The following UST variants were observed in gnomAD, a reference collection of about 807,000 sequenced individuals.
UST encodes uronyl 2-sulfotransferase.
Under a neutral mutation model 45.6 loss-of-function variants are expected in UST, and 21 were observed. The observed-to-expected ratio is 0.46, with a 90% CI of 0.33 to 0.66. The LOEUF is 0.66. Ranked by LOEUF, UST falls within the 30% of genes least tolerant of loss-of-function variation. The pLI is 0.02. For missense variants in UST, 463 were observed against 512.4 expected (o/e 0.90, Z 0.93); for synonymous variants, 215 against 200.6 (o/e 1.07, Z -0.61).
At chr6:148,862,950 T>G (rs1778349159) in intron 1 of UST, among the ~76,000 whole-genome samples, 1 of 152,204 alleles carries the variant, frequency 6.6e-6, no homozygotes, top group Non-Finnish European at 1.5e-5. Flanking sequence ...CATTTCAACT[T>G]TGGTGAATCT....
intron 5 of UST, among the ~76,000 whole-genome samples, chr6:149,008,130 A>C (rs954512804): frequency 2.6e-5 from 4 of 152,198 alleles, no homozygotes; most frequent in Non-Finnish European, 4.4e-5. Context: ...AATTTGCTAT[A>C]ACCTTGAGGG....
chr6:149,052,835 C>T (rs573452716), intron 7 of UST, among the ~76,000 whole-genome samples: 9 of 152,202 alleles, frequency 5.9e-5, no homozygotes, highest in Admixed American at 2.0e-4. Flanking sequence ...TTACTAAAAT[C>T]GCTTTAATAA....
intron 1 of UST, among the ~76,000 whole-genome samples, chr6:148,881,581 G>C (rs1477223133): frequency 6.6e-6 from 1 of 152,180 alleles, no homozygotes; most frequent in African/African-American, 2.4e-5. Flanking sequence ...GAGCGTGCTT[G>C]TCCTCTGTCC....
At chr6:148,766,350 C>G (rs556582377) in intron 1 of UST, among the ~76,000 whole-genome samples, 1 of 149,530 alleles carries the variant, frequency 6.7e-6, no homozygotes, top group Non-Finnish European at 1.5e-5. Flanking sequence ...ACCCACTCAC[C>G]CACTTGCTCT....
intron 7 of UST, among the ~76,000 whole-genome samples, chr6:149,063,928 C>T (rs546264309): frequency 1.3e-3 from 194 of 152,210 alleles, no homozygotes; most frequent in African/African-American, 4.5e-3. Context: ...TGGATAGTGC[C>T]TCAGAGGCCT....
chr6:148,982,288 G>A (rs2449383), intron 5 of UST, among the ~76,000 whole-genome samples: 104,447 of 151,856 alleles, frequency 0.69, 36,734 homozygotes, highest in South Asian at 0.83. Context: ...TAGTAGAGTC[G>A]GGGTTGCTCC....
intron 1 of UST, among the ~76,000 whole-genome samples, chr6:148,868,161 CATG>C (rs71663502): frequency 0.066 from 10,039 of 152,198 alleles, 566 homozygotes; most frequent in African/African-American, 0.15. Flanking sequence ...CCTTTTGCAC[CATG>C]ATAATGACTT....
chr6:148,917,940 T>G (rs987781843), intron 2 of UST, among the ~76,000 whole-genome samples: 1 of 152,192 alleles, frequency 6.6e-6, no homozygotes, highest in Non-Finnish European at 1.5e-5. Flanking sequence ...TTCTTAAAAC[T>G]CTGTCGCTCT....
intron 2 of UST, among the ~76,000 whole-genome samples, chr6:148,909,816 C>A (rs565155645): frequency 6.6e-6 from 1 of 152,162 alleles, no homozygotes; most frequent in African/African-American, 2.4e-5. Context: ...TCCCCCCCGC[C>A]ACAGCAAAAA....
intron 7 of UST, among the ~76,000 whole-genome samples, chr6:149,062,147 T>G (rs2115042253): frequency 6.6e-6 from 1 of 152,328 alleles, no homozygotes; most frequent in Middle Eastern, 3.4e-3. Context: ...GGCTAAGTAT[T>G]TGCAAGCGTT....
chr6:148,989,805 A>G (rs1781312739), intron 5 of UST, among the ~76,000 whole-genome samples: 1 of 152,210 alleles, frequency 6.6e-6, no homozygotes, highest in Non-Finnish European at 1.5e-5. Flanking sequence ...ACTTCCTCAA[A>G]TAAAGGAGTC....
At chr6:148,901,646 CTCCCGGGT>C (rs1562294530) in intron 2 of UST, among the ~76,000 whole-genome samples, 1 of 151,730 alleles carries the variant, frequency 6.6e-6, no homozygotes, top group East Asian at 1.9e-4. Context: ...CAACCTCTGC[CTCCCGGGT>C]TCAAATGATT....
chr6:148,911,381 A>G (rs1430886852), intron 2 of UST, among the ~76,000 whole-genome samples: 1 of 152,174 alleles, frequency 6.6e-6, no homozygotes, highest in Non-Finnish European at 1.5e-5. Flanking sequence ...ACTTGGCCCA[A>G]GGGAGAGAAC....
rs1658077026 is a variant in UST, at chr6:149,076,270, A to G, written c.*2154A>G. The G allele has an allele frequency of 6.6e-6, 1 of 152,252 alleles. No individual in the cohort carries two copies. 9.4% of individuals were successfully genotyped at this position (152,252 alleles called of 1,614,324 possible). A position where few individuals can be genotyped will look rare whatever the true frequency, so the allele number is the denominator to read the frequency against. On this transcript the variant is annotated 3_prime_UTR_variant, in exon 8 of 8. Coordinates refer to ENST00000367463, the MANE Select transcript of UST (RefSeq NM_005715.3). ...ACTGCTGCCTGGTACCCTGTGAGTC[A>G]TTTCTATGAAATTCCATATAAAGAA...
Position 148,928,106 on chromosome 6 carries a change from G to A in UST, c.292-13173G>A, listed in dbSNP as rs898679526. ...CTTACCCAGACTCTGACCCAAGCAA[G>A]TGCTCAACCCATCACTAAGATTTTT... On this transcript the variant is annotated intron_variant, in intron 2 of 7. Coordinates refer to ENST00000367463, the MANE Select transcript of UST (RefSeq NM_005715.3). Among the ~76,000 whole-genome samples, 3 of 150,550 alleles carry A rather than the reference G, an allele frequency of 2.0e-5. No individual in the cohort carries two copies. In the East Asian group the frequency reaches 5.8e-4, roughly 29 times the overall value.
At chr6:148,767,064 G>A (rs1273383516) in intron 1 of UST, among the ~76,000 whole-genome samples, 1 of 152,196 alleles carries the variant, frequency 6.6e-6, no homozygotes, top group Non-Finnish European at 1.5e-5. Flanking sequence ...TTGAGATTCT[G>A]CATTTCCAGC....
chr6:148,896,754 T>C (rs1049915626), intron 2 of UST, among the ~76,000 whole-genome samples: 1 of 152,192 alleles, frequency 6.6e-6, no homozygotes, highest in Non-Finnish European at 1.5e-5. Context: ...CTGTGTTAAT[T>C]TGCTGCATGC....
intron 1 of UST, among the ~76,000 whole-genome samples, chr6:148,847,200 A>C (rs543900521): frequency 6.6e-6 from 1 of 152,266 alleles, no homozygotes; most frequent in Non-Finnish European, 1.5e-5. Context: ...CATACTTATT[A>C]TCTCCAGGTT....
At chr6:148,941,483 TGTGTA>T in intron 3 of UST, 49 bp downstream of exon 3, 1 of 1,545,184 alleles carries the variant, frequency 6.5e-7, no homozygotes, top group Non-Finnish European at 8.7e-7. Flanking sequence ...TCAGCTCATT[TGTGTA>T]ACTAGTGGGT....
Sources: allele counts gnomAD v4.1 joint callset (sites outside exome capture counted in the v4.1 genomes callset), GRCh38; gene constraint gnomAD v4.1.1; transcripts MANE v1.5; gene names NCBI Gene and HGNC (gene_info 2026-07-23, HGNC 2026-07-21).